The following APOLD1 variants were observed in gnomAD, a reference collection of about 807,000 sequenced individuals.
APOLD1 encodes apolipoprotein L domain containing 1.
In APOLD1, 22 loss-of-function variants were observed where a neutral mutation model predicts 15.3. The ratio of observed to expected loss-of-function variants is 1.44; its 90% CI spans 1.03 to 2.05. The LOEUF (loss-of-function observed/expected upper bound fraction) is 2.05. Among genes scored for constraint, APOLD1 ranks in the 30% most tolerant of loss-of-function variants. APOLD1 has a pLI of 0.00. For missense variants in APOLD1, 394 were observed against 353.5 expected, an observed-to-expected ratio of 1.11 and a Z score of -0.92; for synonymous variants, 190 against 167.4, an observed-to-expected ratio of 1.13 and a Z score of -1.04.
rs1947153748 is a variant in APOLD1 at position 12,788,564 on chromosome 12, G to C, written c.*912G>C. ...GATATTAAATGAGCCAAAGTGCCTAGCATGATGGTGCTGGCTCATATAGTG... is the reference window on the plus strand; with the variant it reads ...GATATTAAATGAGCCAAAGTGCCTACCATGATGGTGCTGGCTCATATAGTG... On this transcript the variant is annotated 3_prime_UTR_variant, in exon 2 of 2. Coordinates refer to ENST00000356591, the MANE Select transcript of APOLD1 (RefSeq NM_030817.3). 1 of 152,168 alleles carries C rather than the reference G, an allele frequency of 6.6e-6. No individual in the cohort carries two copies. The highest frequency in any genetic ancestry group is 1.5e-5 in the Non-Finnish European group (1 of 68,038). The allele number at this position is 152,168 out of a possible 1,614,324, so 9.4% of individuals were successfully genotyped here.
intron 1 of APOLD1, among the ~76,000 whole-genome samples, chr12:12,776,697 G>T (rs1380389181): frequency 6.6e-6 from 1 of 152,164 alleles, no homozygotes; most frequent in African/African-American, 2.4e-5. Flanking sequence ...ATGTCCAAAA[G>T]AAAAGCAAGT....
At chr12:12,773,889 G>A (rs1344249719) in intron 1 of APOLD1, among the ~76,000 whole-genome samples, 2 of 152,060 alleles carry the variant, frequency 1.3e-5, no homozygotes, top group African/African-American at 4.8e-5. Context: ...ACATCCACAT[G>A]CAGAAAAAAA....
chr12:12,768,790 T>A (rs1380389697), intron 1 of APOLD1, among the ~76,000 whole-genome samples: 1 of 151,508 alleles, frequency 6.6e-6, no homozygotes, highest in African/African-American at 2.4e-5. Context: ...AGAAAATGCC[T>A]CCTACCTTTT....
intron 1 of APOLD1, among the ~76,000 whole-genome samples, chr12:12,742,575 G>C (rs1443349922): frequency 6.6e-6 from 1 of 152,092 alleles, no homozygotes; most frequent in African/African-American, 2.4e-5. Flanking sequence ...GACCAGCCTG[G>C]CCAAGATGGT....
intron 1 of APOLD1, among the ~76,000 whole-genome samples, chr12:12,766,052 A>G (rs1334447897): frequency 2.0e-5 from 3 of 152,206 alleles, no homozygotes; most frequent in Non-Finnish European, 4.4e-5. Flanking sequence ...GGCAGGAAAT[A>G]AAAGTTAAGA....
Position 12,787,334 on chromosome 12 carries a change from C to T in APOLD1, c.429C>T (p.Arg143=). Residue 143 remains arginine, a synonymous_variant, in exon 2 of 2, where the codon CGC becomes CGT. Transcript: ENST00000356591. The surrounding 1 kb of genome is among the most constrained non-coding windows in gnomAD (Gnocchi z 4.9). ...TGAGCTGCCTCGAGTTTTTCTGCCG[C>T]TGGCAGGGCTGCGGGGACCGCCAGC... ...EILSCLEFFC[R]WQGCGDRQLL... 6.2e-7 allele frequency: 1 copy of T among 1,613,780 alleles called. No individual in the cohort carries two copies. The highest frequency in any genetic ancestry group is 1.3e-5 in the African/African-American group (1 of 75,076).
chr12:12,749,407 A>G (rs1946790068), intron 1 of APOLD1, among the ~76,000 whole-genome samples: 1 of 151,110 alleles, frequency 6.6e-6, no homozygotes. Flanking sequence ...CGCCTAAGTA[A>G]CAAAAGGACC....
intron 1 of APOLD1, among the ~76,000 whole-genome samples, chr12:12,729,200 T>TTTGTC (rs1946617662): frequency 6.6e-6 from 1 of 151,768 alleles, no homozygotes; most frequent in African/African-American, 2.4e-5. Context: ...TTAAAATGAA[T>TTTGTC]TTGTCTAGTT....
intron 1 of APOLD1, among the ~76,000 whole-genome samples, chr12:12,770,566 TG>T (rs1946979314): frequency 1.2e-5 from 1 of 80,062 alleles, no homozygotes. Context: ...AAAAAAAGAC[TG>T]AAAAAAAAAA....
At chr12:12,747,629 G>C (rs1236038065) in intron 1 of APOLD1, among the ~76,000 whole-genome samples, 2 of 152,124 alleles carry the variant, frequency 1.3e-5, no homozygotes, top group Non-Finnish European at 2.9e-5. Context: ...AGTCCTATCA[G>C]GAATAAACTA....
intron 1 of APOLD1, among the ~76,000 whole-genome samples, chr12:12,746,468 C>T (rs1946766378): frequency 6.6e-6 from 1 of 151,432 alleles, no homozygotes; most frequent in Admixed American, 6.6e-5. Context: ...TGCACTCCAG[C>T]CTGGGCAACA....
At chr12:12,784,506 T>A (rs1229757662), upstream of APOLD1, among the ~76,000 whole-genome samples, 1 of 152,232 alleles carries the variant, frequency 6.6e-6, no homozygotes, top group Non-Finnish European at 1.5e-5. Flanking sequence ...ACTATGGTTG[T>A]CCTTTCTGTT....
chr12:12,778,984 T>C (rs1947059181), intron 1 of APOLD1, among the ~76,000 whole-genome samples: 1 of 152,110 alleles, frequency 6.6e-6, no homozygotes, highest in Admixed American at 6.6e-5. Context: ...TCATGACTTG[T>C]CTTCTACCTA....
At chr12:12,746,560 G>T (rs887461272) in intron 1 of APOLD1, among the ~76,000 whole-genome samples, 1 of 150,008 alleles carries the variant, frequency 6.7e-6, no homozygotes, top group Non-Finnish European at 1.5e-5. Flanking sequence ...GTGAACATGT[G>T]CATGACTACG....
At position 12,729,722 on chromosome 12, in the gene APOLD1, T is replaced by C. The variant is rs185680101; in HGVS notation, c.96+3626T>C. Among the ~76,000 whole-genome samples the C allele has an allele frequency of 6.6e-5, 10 of 152,106 alleles. No individual in the cohort carries two copies. The East Asian group carries it at 1.9e-3, about 29-fold the overall frequency. ...CCGCAGCTCAGGCTACAGTGAGCTA[T>C]GATTTTACTACTGCACTCCAGCCTG... On this transcript the variant is annotated intron_variant, in intron 1 of 1. Transcript: ENST00000326765.
At chr12:12,768,362 G>T (rs1211165900) in intron 1 of APOLD1, among the ~76,000 whole-genome samples, 2 of 152,136 alleles carry the variant, frequency 1.3e-5, no homozygotes, top group African/African-American at 4.8e-5. Context: ...GCTGAGTGCA[G>T]TGGCTCATGC....
Position 12,787,665 on chromosome 12 carries a change from C to A in APOLD1, c.*13C>A, listed in dbSNP as rs960797221. ...GCTGTTTTTCTGAGAACATCCTTTC[C>A]CCCTAATGACCGAGGCCAGCAAATC... On this transcript the variant is annotated 3_prime_UTR_variant, in exon 2 of 2. Transcript: ENST00000356591. This position sits in a 1 kb window ranked among gnomAD's most constrained non-coding sequence, Gnocchi z 4.9. 14 of 1,564,538 alleles carry A rather than the reference C, an allele frequency of 8.9e-6. No individual in the cohort carries two copies. The highest frequency in any genetic ancestry group is 1.2e-5 in the Non-Finnish European group (14 of 1,159,584).
chr12:12,771,516 A>G, intron 1 of APOLD1: 1 of 508,844 alleles, frequency 2.0e-6, no homozygotes, highest in Non-Finnish European at 3.9e-6. Context: ...GATGTTAATT[A>G]TCTCATTTTG....
chr12:12,772,659 T>C (rs543940403), intron 1 of APOLD1, among the ~76,000 whole-genome samples: 1 of 152,342 alleles, frequency 6.6e-6, no homozygotes, highest in Non-Finnish European at 1.5e-5. Flanking sequence ...TATAGATGAC[T>C]TTATTAAACA....
Sources: allele counts gnomAD v4.1 joint callset (sites outside exome capture counted in the v4.1 genomes callset), GRCh38; gene constraint gnomAD v4.1.1; non-coding constraint Gnocchi (gnomAD v3.1); transcripts MANE v1.5; gene names NCBI Gene and HGNC (gene_info 2026-07-23, HGNC 2026-07-21).